Variants in UBE3A observed in about 807,000 individuals in gnomAD.
The protein encoded by UBE3A is ubiquitin protein ligase E3A, also known as ubiquitin-protein ligase E3A.
In UBE3A, 6 loss-of-function variants were observed where a neutral mutation model predicts 83.4. The ratio of observed to expected loss-of-function variants is 0.07; its 90% confidence interval spans 0.04 to 0.14. The LOEUF (loss-of-function observed/expected upper bound fraction) is 0.14. Among genes scored for constraint, UBE3A ranks in the 10% least tolerant of loss-of-function variants. The probability of loss-of-function intolerance (pLI) is 1.00; values close to 1 mark genes in which losing one functional copy is unlikely to be tolerated. For synonymous variants in UBE3A, 337 were observed against 355.4 expected (o/e 0.95, Z 0.58); for missense variants, 456 against 1,036.1 (o/e 0.44, Z 7.69).
At chr15:25,423,744 A>T (rs1890499837) in intron 1 of UBE3A, among the ~76,000 whole-genome samples, 1 of 152,148 alleles carries the variant, frequency 6.6e-6, no homozygotes, top group African/African-American at 2.4e-5. Flanking sequence ...TGGGCATGTG[A>T]TATGATGCAC....
intron 11 of UBE3A, chr15:25,345,975 C>G (rs569711212): frequency 3.3e-4 from 51 of 152,332 alleles, no homozygotes; most frequent in African/African-American, 1.2e-3. Context: ...CAAAAAGAAA[C>G]AAACCCATGC....
At chr15:25,405,696 G>A (rs2088357885) in intron 3 of UBE3A, 194 bp from the exon 4 acceptor site, 1 of 612,478 alleles carries the variant, frequency 1.6e-6, no homozygotes, top group Non-Finnish European at 2.9e-6. Flanking sequence ...TTAAGGGTTG[G>A]ACTATTAAAA....
At chr15:25,431,305 T>C (rs1893380525) in intron 1 of UBE3A, among the ~76,000 whole-genome samples, 1 of 152,208 alleles carries the variant, frequency 6.6e-6, no homozygotes, top group Admixed American at 6.5e-5. Context: ...TTACACTTCT[T>C]AGAAACTGAA....
Position 25,338,763 on chromosome 15 carries a change from A to ACTC in UBE3A, c.*371_*373dup, listed in dbSNP as rs1242894090. On this transcript the variant is annotated 3_prime_UTR_variant, in exon 13 of 13. Transcript: ENST00000648336. ...TTCTGTTGGTATATATTTTTTAAAT[A>ACTC]CTCAAAAGGCTCAACCTCAAGCAGT... 1 of 153,058 alleles carries ACTC rather than the reference A, an allele frequency of 6.5e-6. No individual in the cohort carries two copies. Among genetic ancestry groups the ACTC allele is most frequent in the Non-Finnish European group, 1.5e-5 (1 of 68,732 alleles). The allele number at this position is 153,058 out of a possible 1,614,324, so 9.5% of individuals were successfully genotyped here. A position where few individuals can be genotyped will look rare whatever the true frequency, so the allele number is the denominator to read the frequency against.
At chr15:25,387,657 A>AT (rs1278727128) in intron 4 of UBE3A, among the ~76,000 whole-genome samples, 1 of 152,226 alleles carries the variant, frequency 6.6e-6, no homozygotes, top group African/African-American at 2.4e-5. Context: ...TGAAAACAAG[A>AT]TATCAATAGA....
At position 25,335,147 on chromosome 15, in the gene UBE3A, A is replaced by ACTC. The variant is rs1595329320; in HGVS notation, c.*3987_*3989dup. The ACTC allele has an allele frequency of 6.6e-6, 1 of 152,238 alleles. No homozygotes were observed. The highest frequency in any genetic ancestry group is 1.9e-4 in the East Asian group (1 of 5,172). The allele number at this position is 152,238 out of a possible 1,614,324, so 9.4% of individuals were successfully genotyped here. A position where few individuals can be genotyped will look rare whatever the true frequency, so the allele number is the denominator to read the frequency against. ...AAGACACTCTGTAAGAATCCCAGTG[A>ACTC]CTCCTCACTGTTCAACTAAGAAATG... On this transcript the variant is annotated 3_prime_UTR_variant, in exon 13 of 13. Transcript: ENST00000648336.
chr15:25,378,016 A>T (rs1041844125), intron 4 of UBE3A, among the ~76,000 whole-genome samples: 3 of 152,112 alleles, frequency 2.0e-5, no homozygotes, highest in African/African-American at 7.2e-5. Flanking sequence ...TTTCTTATTT[A>T]TTCTTTCCAT....
chr15:25,385,953 G>A (rs1029556706), intron 4 of UBE3A, among the ~76,000 whole-genome samples: 5 of 152,160 alleles, frequency 3.3e-5, no homozygotes, highest in Non-Finnish European at 7.3e-5. Flanking sequence ...CTCAGCAGGG[G>A]AGGCAAAGAG....
intron 1 of UBE3A, among the ~76,000 whole-genome samples, chr15:25,428,036 ATC>A: frequency 6.6e-6 from 1 of 152,260 alleles, no homozygotes; most frequent in African/African-American, 2.4e-5. Flanking sequence ...AAAAAAGTAT[ATC>A]TCAAGAAGAT....
At chr15:25,434,468 T>C (rs1044808900) in intron 1 of UBE3A, among the ~76,000 whole-genome samples, 1 of 152,234 alleles carries the variant, frequency 6.6e-6, no homozygotes, top group Admixed American at 6.5e-5. Context: ...TCTTCAAGTA[T>C]TTCAAACATT....
At chr15:25,368,862 C>A (rs1430916025) in intron 6 of UBE3A, among the ~76,000 whole-genome samples, 2 of 152,100 alleles carry the variant, frequency 1.3e-5, no homozygotes, top group Non-Finnish European at 2.9e-5. Flanking sequence ...ACTGAGTAGA[C>A]TTCTGAGCGA....
At chr15:25,339,875 G>A in intron 12 of UBE3A, 2 of 604,376 alleles carry the variant, frequency 3.3e-6, no homozygotes, top group Middle Eastern at 4.7e-4. Flanking sequence ...AAACCAATGT[G>A]AGCCCCATAA....
chr15:25,384,579 G>A (rs185656489), intron 4 of UBE3A, among the ~76,000 whole-genome samples: 1 of 152,022 alleles, frequency 6.6e-6, no homozygotes, highest in East Asian at 1.9e-4. Flanking sequence ...CTGTTAAGAT[G>A]GCAATACTAC....
At position 25,374,998 on chromosome 15, in the gene UBE3A, A is replaced by G. The variant is rs538836859; in HGVS notation, c.361+467T>C. The stretch of plus-strand genomic sequence containing the variant: ...TGTCCGGAAGGAGAGTGAGAAGCAT[A>G]TATCTGAAGGAAACGTAGAATTCTC... On this transcript the variant is annotated intron_variant, in intron 5 of 12. Coordinates refer to ENST00000648336, the MANE Select transcript of UBE3A (RefSeq NM_130839.5). 6.2e-5 allele frequency: 12 copies of G among 193,556 alleles called. No homozygotes were observed. In the East Asian group the frequency reaches 1.4e-3, roughly 22 times the overall value. The allele number at this position is 193,556 out of a possible 1,614,324, so 12.0% of individuals were successfully genotyped here.
At chr15:25,409,249 A>G (rs2089411562) in intron 2 of UBE3A, 42 bp from the exon 3 acceptor site, 1 of 620,384 alleles carries the variant, frequency 1.6e-6, no homozygotes, top group South Asian at 2.9e-5. Flanking sequence ...ACTTTAATAT[A>G]TAAACCCAAT....
chr15:25,378,777 T>C (rs1159114206), intron 4 of UBE3A, among the ~76,000 whole-genome samples: 1 of 152,166 alleles, frequency 6.6e-6, no homozygotes, highest in Non-Finnish European at 1.5e-5. Context: ...TCATAACTAA[T>C]GTGCAACTGG....
intron 1 of UBE3A, among the ~76,000 whole-genome samples, chr15:25,425,556 T>G (rs1010465102): frequency 6.6e-6 from 1 of 152,188 alleles, no homozygotes; most frequent in Non-Finnish European, 1.5e-5. Context: ...TCAGTACTTT[T>G]ACAGCTATCT....
intron 1 of UBE3A, among the ~76,000 whole-genome samples, chr15:25,428,926 T>G (rs1892205170): frequency 6.6e-6 from 1 of 152,162 alleles, no homozygotes; most frequent in Non-Finnish European, 1.5e-5. Flanking sequence ...CACTGCAGCA[T>G]TATTTATAAT....
At chr15:25,351,530 C>CA (rs2076506844) in intron 11 of UBE3A, among the ~76,000 whole-genome samples, 1 of 152,176 alleles carries the variant, frequency 6.6e-6, no homozygotes, top group African/African-American at 2.4e-5. Context: ...AGTGCAGTGG[C>CA]ACGATCTAGG....
Sources: gnomAD v4.1 joint callset for allele counts (sites outside exome capture counted in the v4.1 genomes callset) on GRCh38, gnomAD v4.1.1 for gene constraint, MANE v1.5 for transcripts, NCBI Gene and HGNC (gene_info 2026-07-23, HGNC 2026-07-21) for gene names.